RBM20: variants seen among roughly 807,000 people sequenced by gnomAD.
RBM20 encodes the protein RNA-binding protein 20.
Under a neutral mutation model 110.1 loss-of-function variants are expected in RBM20, and 51 were observed. That is an observed-to-expected ratio of 0.46 (90% CI 0.37 to 0.59). The LOEUF (loss-of-function observed/expected upper bound fraction) is 0.59, where lower values mean the gene tolerates loss of function less well. Ranked by LOEUF, RBM20 falls within the 20% of genes least tolerant of loss-of-function variation. RBM20 has a pLI of 0.00. For synonymous variants in RBM20, 589 were observed against 618.2 expected (o/e 0.95, Z 0.70); for missense variants, 1,512 against 1,574.9 (o/e 0.96, Z 0.68).
chr10:110,832,465 G>A (rs1200704850), intron 13 of RBM20, among the ~76,000 whole-genome samples: 2 of 152,142 alleles, frequency 1.3e-5, no homozygotes, highest in Non-Finnish European at 1.5e-5. Flanking sequence ...AGAATTTGGA[G>A]GTGGAAGGCA....
chr10:110,753,559 CTT>C (rs1843886334), intron 1 of RBM20, among the ~76,000 whole-genome samples: 2 of 152,172 alleles, frequency 1.3e-5, no homozygotes, highest in South Asian at 4.1e-4. Flanking sequence ...GTGAGGAACT[CTT>C]TGCGTGCCTG....
At chr10:110,721,842 T>TA (rs1432726460) in intron 1 of RBM20, among the ~76,000 whole-genome samples, 1 of 152,136 alleles carries the variant, frequency 6.6e-6, no homozygotes, top group Non-Finnish European at 1.5e-5. Context: ...TCACCTCACC[T>TA]ACAGCCCGGA....
intron 1 of RBM20, among the ~76,000 whole-genome samples, chr10:110,774,263 G>C (rs984134836): frequency 1.3e-5 from 2 of 152,216 alleles, no homozygotes; most frequent in African/African-American, 4.8e-5. Flanking sequence ...ACAAAAGAGA[G>C]ATGATAGGAT....
chr10:110,660,911 G>T (rs1003748001), intron 1 of RBM20, among the ~76,000 whole-genome samples: 1 of 152,070 alleles, frequency 6.6e-6, no homozygotes, highest in African/African-American at 2.4e-5. Flanking sequence ...TGCCGAAAAG[G>T]TTGGGGACCG....
At chr10:110,705,936 G>A (rs1215773326) in intron 1 of RBM20, among the ~76,000 whole-genome samples, 1 of 152,068 alleles carries the variant, frequency 6.6e-6, no homozygotes, top group Non-Finnish European at 1.5e-5. Flanking sequence ...ACAAAAATTG[G>A]CCGGGTGTGA....
chr10:110,737,575 G>A (rs1843685112), intron 1 of RBM20, among the ~76,000 whole-genome samples: 1 of 151,168 alleles, frequency 6.6e-6, no homozygotes, highest in Non-Finnish European at 1.5e-5. Context: ...TTCAGCCTCT[G>A]ACGATCTTTA....
chr10:110,692,777 T>C (rs1862605163), intron 1 of RBM20, among the ~76,000 whole-genome samples: 1 of 152,202 alleles, frequency 6.6e-6, no homozygotes. Context: ...TCTAGTATTA[T>C]GTTGAATAGA....
rs1845128486 is a variant in RBM20, at chr10:110,836,319, C to A, written c.*341C>A. 5.9e-6 allele frequency: 1 copy of A among 169,626 alleles called. No homozygotes were observed. Among genetic ancestry groups the A allele is most frequent in the Non-Finnish European group, 1.3e-5 (1 of 79,690 alleles). The allele number at this position is 169,626 out of a possible 1,614,324, so 10.5% of individuals were successfully genotyped here. ...AGGATCGTTTCCTTTTCACAAAACC[C>A]AACTTCTCAGGGATTTTCACAGTGT... On this transcript the variant is annotated 3_prime_UTR_variant, in exon 14 of 14. Transcript: ENST00000369519.
At chr10:110,784,752 A>G (rs372670227) in intron 4 of RBM20, 40 bp from the exon 5 acceptor site, 2 of 1,311,496 alleles carry the variant, frequency 1.5e-6, no homozygotes, top group Non-Finnish European at 2.2e-6. Flanking sequence ...TTGATGTTAC[A>G]TTCTGGGTTT....
chr10:110,752,936 TATA>T (rs1486130496), intron 1 of RBM20, among the ~76,000 whole-genome samples: 17 of 73,670 alleles, frequency 2.3e-4, no homozygotes, highest in Middle Eastern at 7.0e-3. Flanking sequence ...TATATATATA[TATA>T]TATATATTTT....
chr10:110,829,781 G>T (rs1226751887), intron 12 of RBM20, among the ~76,000 whole-genome samples: 1 of 152,142 alleles, frequency 6.6e-6, no homozygotes, highest in Non-Finnish European at 1.5e-5. Flanking sequence ...GTCATGAGTG[G>T]AGACCTTGCC....
chr10:110,797,292 C>T (rs908760040), intron 5 of RBM20, among the ~76,000 whole-genome samples: 1 of 150,892 alleles, frequency 6.6e-6, no homozygotes, highest in Admixed American at 6.6e-5. Context: ...GACCCGGTCT[C>T]AAAAATATAT....
chr10:110,740,603 C>T (rs1041269930), intron 1 of RBM20, among the ~76,000 whole-genome samples: 15 of 152,134 alleles, frequency 9.9e-5, no homozygotes, highest in African/African-American at 3.6e-4. Flanking sequence ...CTCCCTCTCC[C>T]ACCAGGGCTT....
chr10:110,809,990 C>T (rs1325226668), intron 7 of RBM20, among the ~76,000 whole-genome samples: 2 of 152,230 alleles, frequency 1.3e-5, no homozygotes, highest in Non-Finnish European at 2.9e-5. Context: ...CAATGATCTT[C>T]AAGTCTTTCC....
chr10:110,754,396 A>G (rs922513696), intron 1 of RBM20, among the ~76,000 whole-genome samples: 1 of 152,142 alleles, frequency 6.6e-6, no homozygotes, highest in Non-Finnish European at 1.5e-5. Context: ...AGTCCTGGAA[A>G]ATTCTCAGCT....
intron 1 of RBM20, among the ~76,000 whole-genome samples, chr10:110,753,368 A>T (rs1373238147): frequency 6.6e-6 from 1 of 152,122 alleles, no homozygotes; most frequent in Non-Finnish European, 1.5e-5. Flanking sequence ...TTGTATTTTA[A>T]TTCTATATTT....
At chr10:110,814,799 T>G (rs1844819008) in intron 9 of RBM20, among the ~76,000 whole-genome samples, 1 of 152,142 alleles carries the variant, frequency 6.6e-6, no homozygotes, top group Admixed American at 6.5e-5. Context: ...CTGCCAAGAT[T>G]CTTGATAGAA....
In RBM20 at chr10:110,812,385, G is replaced by A. The variant is rs864622685; in HGVS notation, c.1988G>A (p.Gly663Asp). ...TGCAGCTCTTCCCACAGCCCTCCGG[G>A]CCCCTCCCGGGCTGACTGGGGCAAT... ...TSCSSSHSPPGPSRADWGNGR... is the reference protein window; with the variant it reads ...TSCSSSHSPPDPSRADWGNGR... Residue 663 changes from glycine to aspartate, a missense_variant, in exon 9 of 14, where the codon GGC becomes GAC. Gly to Asp is a moderately conservative substitution (Grantham distance 94). This residue lies in a region of RBM20 where 1,149 missense variants were observed against 1,169.4 expected (regional missense o/e 0.98). Coordinates refer to ENST00000369519, the MANE Select transcript of RBM20 (RefSeq NM_001134363.3). 1 of 1,551,644 alleles carries A rather than the reference G, an allele frequency of 6.4e-7. No homozygotes were observed. The highest frequency in any genetic ancestry group is 2.0e-5 in the Admixed American group (1 of 51,004).
intron 1 of RBM20, among the ~76,000 whole-genome samples, chr10:110,756,272 A>G (rs1423888581): frequency 6.6e-6 from 1 of 152,228 alleles, no homozygotes; most frequent in Non-Finnish European, 1.5e-5. Context: ...AATCAACATG[A>G]GGAAAAGCCT....
Sources: gnomAD v4.1 joint callset for allele counts (sites outside exome capture counted in the v4.1 genomes callset) on GRCh38, gnomAD v4.1.1 for gene constraint, gnomAD v4.1.1 regional missense constraint, MANE v1.5 for transcripts, NCBI Gene and HGNC (gene_info 2026-07-23, HGNC 2026-07-21) for gene names.